Variants in TCF7L2 observed in about 807,000 individuals in gnomAD.
TCF7L2 encodes transcription factor 7-like 2.
TCF7L2 carries 23 observed loss-of-function variants against 77.9 expected under a neutral mutation model. That is an observed-to-expected ratio of 0.30 (90% CI 0.21 to 0.42). The LOEUF (loss-of-function observed/expected upper bound fraction) is 0.42, where lower values mean the gene tolerates loss of function less well. Ranked by LOEUF, TCF7L2 falls within the 10% of genes least tolerant of loss-of-function variation. The pLI is 1.00. For synonymous variants in TCF7L2, 413 were observed against 340.2 expected, an observed-to-expected ratio of 1.21 and a Z score of -2.36; for missense variants, 654 against 793.1, an observed-to-expected ratio of 0.82 and a Z score of 2.11.
chr10:113,033,352 G>A (rs2050583406), intron 4 of TCF7L2, among the ~76,000 whole-genome samples: 1 of 151,838 alleles, frequency 6.6e-6, no homozygotes, highest in East Asian at 1.9e-4. Context: ...TCTGCCTCCT[G>A]GGCTCAAGTG....
chr10:113,135,512 A>T (rs1006711775), intron 5 of TCF7L2, among the ~76,000 whole-genome samples: 3 of 152,228 alleles, frequency 2.0e-5, no homozygotes, highest in Non-Finnish European at 4.4e-5. Context: ...TTAAAGTCAG[A>T]TGAGGATTTT....
At chr10:113,155,494 A>G (rs746830158) in intron 11 of TCF7L2, among the ~76,000 whole-genome samples, 1 of 152,184 alleles carries the variant, frequency 6.6e-6, no homozygotes. Flanking sequence ...ATTAAAACAC[A>G]ATCCCTGTCC....
chr10:113,166,062 T>C lies in TCF7L2; in HGVS notation c.*90T>C. 1 of 1,284,566 alleles carries C rather than the reference T, an allele frequency of 7.8e-7. No homozygotes were observed. The highest frequency in any genetic ancestry group is 2.2e-5 in the South Asian group (1 of 46,352). The allele number at this position is 1,284,566 out of a possible 1,614,324, so 79.6% of individuals were successfully genotyped here. A position where few individuals can be genotyped will look rare whatever the true frequency, so the allele number is the denominator to read the frequency against. On this transcript the variant is annotated 3_prime_UTR_variant, in exon 14 of 14. Transcript: ENST00000627217. ...CACCCCCACCTTGAAAGGTTTTGTT[T>C]TGTACTCTCTTAATTTTGTGCCATG...
rs1486195680 is a variant in TCF7L2, at chr10:112,951,592, G to A, written c.366G>A (p.Ser122=). ...CCTACCTCCCCAACGGATCGCTCTC[G>A]CCCACCGCCCGAACCGTAAGTGCCT... Residue 122 remains serine, a synonymous_variant, in exon 3 of 14, where the codon TCG becomes TCA. Coordinates refer to ENST00000627217, the MANE Select transcript of TCF7L2 (RefSeq NM_001146274.2). 1.5e-6 allele frequency: 2 copies of A among 1,328,200 alleles called. No homozygotes were observed. Among genetic ancestry groups the A allele is most frequent in the South Asian group, 1.4e-5 (1 of 71,338 alleles). The allele number at this position is 1,328,200 out of a possible 1,614,324, so 82.3% of individuals were successfully genotyped here.
Position 113,118,518 on chromosome 10 carries a change from GGGGT to G in TCF7L2, c.553-22664_553-22661del, listed in dbSNP as rs1446266585. The stretch of plus-strand genomic sequence containing the variant: ...AGTTTTCAACCAACTGGTCATCTGG[GGGGT>G]GTGTGTGTGTGTGTGTGTGTGTGTG... On this transcript the variant is annotated intron_variant, in intron 5 of 13. Transcript: ENST00000627217. 7.1e-3 allele frequency among the ~76,000 whole-genome samples: 325 copies of G among 45,466 alleles called. 1 individual carries two copies. Among genetic ancestry groups the G allele is most frequent in the Admixed American group, 0.011 (32 of 2,988 alleles). The allele number at this position is 45,466 out of a possible 152,430, so 29.8% of individuals were successfully genotyped here.
At chr10:113,108,282 C>T (rs974539908) in intron 5 of TCF7L2, among the ~76,000 whole-genome samples, 7 of 152,154 alleles carry the variant, frequency 4.6e-5, no homozygotes, top group African/African-American at 9.7e-5. Flanking sequence ...GCCTCTGCTC[C>T]GCCTGAGGTG....
Position 113,158,079 on chromosome 10 carries a change from AATC to A in TCF7L2, c.1318+15_1318+17del. 6.3e-7 allele frequency: 1 copy of A among 1,594,122 alleles called. No homozygotes were observed. Among genetic ancestry groups the A allele is most frequent in the Non-Finnish European group, 8.6e-7 (1 of 1,169,256 alleles). On this transcript the variant is annotated intron_variant, in intron 12 of 13. Transcript: ENST00000627217. ...CCGGGAGAGACCAATGGTAAGTGACAATCATCAGGTTAGAGGAAGGAGCTGTAG... is the reference window on the plus strand; with the variant it reads ...CCGGGAGAGACCAATGGTAAGTGACAATCAGGTTAGAGGAAGGAGCTGTAG...
chr10:113,083,259 G>GACAC (rs10649541), intron 5 of TCF7L2, among the ~76,000 whole-genome samples: 24,273 of 143,252 alleles, frequency 0.17, 2,155 homozygotes, highest in South Asian at 0.27. Flanking sequence ...TATACTGATA[G>GACAC]ACACACACAC....
chr10:113,082,608 T>C (rs2059422212), intron 5 of TCF7L2, among the ~76,000 whole-genome samples: 1 of 152,152 alleles, frequency 6.6e-6, no homozygotes, highest in South Asian at 2.1e-4. Flanking sequence ...TGTGTGTGTG[T>C]GTGTGTGTGT....
intron 4 of TCF7L2, among the ~76,000 whole-genome samples, chr10:113,031,662 A>G (rs552038752): frequency 6.6e-6 from 1 of 151,936 alleles, no homozygotes; most frequent in African/African-American, 2.4e-5. Flanking sequence ...TAATTTTTAT[A>G]TTTTTTGGAG....
At chr10:112,997,998 C>CAA (rs34853233) in intron 4 of TCF7L2, among the ~76,000 whole-genome samples, 119 of 149,646 alleles carry the variant, frequency 8.0e-4, no homozygotes, top group African/African-American at 2.7e-3. Flanking sequence ...AAACAAAAAA[C>CAA]AAAAAAAAGG....
At chr10:112,998,264 T>C (rs2043865016) in intron 4 of TCF7L2, among the ~76,000 whole-genome samples, 1 of 152,212 alleles carries the variant, frequency 6.6e-6, no homozygotes, top group East Asian at 1.9e-4. Flanking sequence ...GCTTAGTCAC[T>C]TTCTGTTTGA....
At chr10:113,047,759 C>T (rs1467285351) in intron 5 of TCF7L2, among the ~76,000 whole-genome samples, 1 of 152,004 alleles carries the variant, frequency 6.6e-6, no homozygotes, top group African/African-American at 2.4e-5. Flanking sequence ...GGAAAATGTA[C>T]CCACTTGTCA....
At chr10:113,073,655 G>A (rs1225026921) in intron 5 of TCF7L2, among the ~76,000 whole-genome samples, 2 of 151,084 alleles carry the variant, frequency 1.3e-5, no homozygotes, top group East Asian at 3.9e-4. Flanking sequence ...TTGCACCACT[G>A]CACTCCAGCC....
intron 4 of TCF7L2, among the ~76,000 whole-genome samples, chr10:112,994,850 A>G (rs1005881537): frequency 1.3e-5 from 2 of 152,112 alleles, no homozygotes; most frequent in African/African-American, 4.8e-5. Context: ...CTGTAATCCC[A>G]GCACTTTGGG....
chr10:113,056,814 C>T (rs1004674443), intron 5 of TCF7L2, among the ~76,000 whole-genome samples: 2 of 152,288 alleles, frequency 1.3e-5, no homozygotes, highest in Admixed American at 1.3e-4. Context: ...CTTGGAAAAG[C>T]GTCATCGCCT....
At position 113,032,340 on chromosome 10, in the gene TCF7L2, A is replaced by G. The variant is rs149145692; in HGVS notation, c.451-7685A>G. Among the ~76,000 whole-genome samples the G allele has an allele frequency of 4.2e-3, 644 of 152,338 alleles. 3 individuals are homozygous for G. The highest frequency in any genetic ancestry group is 0.015 in the African/African-American group (605 of 41,588). On this transcript the variant is annotated intron_variant, in intron 4 of 13. Coordinates refer to ENST00000627217, the MANE Select transcript of TCF7L2 (RefSeq NM_001146274.2). ...GTTAAAGGATTGGCGGGTTAAAGAA[A>G]ACAGTGAATCCCAAGTTTTGTTAAT...
chr10:113,039,544 T>C (rs2052042652), intron 4 of TCF7L2, among the ~76,000 whole-genome samples: 1 of 152,206 alleles, frequency 6.6e-6, no homozygotes, highest in Non-Finnish European at 1.5e-5. Flanking sequence ...TCATATGTAC[T>C]TGACTTCCTT....
intron 5 of TCF7L2, chr10:113,129,722 A>G: frequency 8.3e-7 from 1 of 1,211,468 alleles, no homozygotes; most frequent in Non-Finnish European, 1.0e-6. Context: ...TTTAAGTGAA[A>G]GGTTTAAAGG....
Sources: gnomAD v4.1 joint callset for allele counts (sites outside exome capture counted in the v4.1 genomes callset) on GRCh38, gnomAD v4.1.1 for gene constraint, MANE v1.5 for transcripts, NCBI Gene and HGNC (gene_info 2026-07-23, HGNC 2026-07-21) for gene names.